MYO10: variants seen among roughly 807,000 people sequenced by gnomAD.
The protein encoded by MYO10 is unconventional myosin-X.
In MYO10, 133 loss-of-function variants were observed where a neutral mutation model predicts 257.3. The ratio of observed to expected loss-of-function variants is 0.52; its 90% CI spans 0.45 to 0.60. The LOEUF is 0.60. MYO10 is among the 20% of genes least tolerant of loss of function. The pLI is 0.00. For synonymous variants in MYO10, 1,104 were observed against 1,028.6 expected, an observed-to-expected ratio of 1.07 and a Z score of -1.40; for missense variants, 2,399 against 2,635.7, an observed-to-expected ratio of 0.91 and a Z score of 1.97.
chr5:16,730,831 C>T (rs1432900282), intron 19 of MYO10, among the ~76,000 whole-genome samples: 2 of 150,944 alleles, frequency 1.3e-5, no homozygotes, highest in African/African-American at 2.5e-5. Context: ...GGCAGAAAGA[C>T]AGGGATGCAG....
intron 2 of MYO10, among the ~76,000 whole-genome samples, chr5:16,856,801 A>G (rs1000043156): frequency 7.9e-5 from 12 of 152,162 alleles, no homozygotes; most frequent in Middle Eastern, 3.4e-3. Flanking sequence ...GTGGTTCTTA[A>G]AAGTTTCCAC....
intron 19 of MYO10, among the ~76,000 whole-genome samples, chr5:16,737,945 G>A (rs1022255723): frequency 2.0e-5 from 3 of 152,200 alleles, no homozygotes; most frequent in East Asian, 3.8e-4. Flanking sequence ...TGACGCGGAA[G>A]GAAAAGGATG....
chr5:16,677,325 G>A (rs1736773343), intron 33 of MYO10, among the ~76,000 whole-genome samples: 1 of 151,474 alleles, frequency 6.6e-6, no homozygotes. Flanking sequence ...AAGAAGCATG[G>A]CTTTGTATTT....
intron 2 of MYO10, among the ~76,000 whole-genome samples, chr5:16,830,679 G>GCACACACACACACT (rs1554000806): frequency 6.7e-6 from 1 of 148,920 alleles, no homozygotes; most frequent in Non-Finnish European, 1.5e-5. Context: ...TTTTTAATAG[G>GCACACACACACACT]CACACACACA....
At chr5:16,786,396 T>C (rs961810563) in intron 4 of MYO10, among the ~76,000 whole-genome samples, 1 of 152,126 alleles carries the variant, frequency 6.6e-6, no homozygotes, top group Non-Finnish European at 1.5e-5. Context: ...TCTCTGTCAA[T>C]CTCTTATACA....
In MYO10 at chr5:16,672,684, C is replaced by G. The variant is rs947407257; in HGVS notation, c.5309+5G>C. 47 of 1,613,954 alleles carry G rather than the reference C, an allele frequency of 2.9e-5. 1 individual carries two copies. Among genetic ancestry groups the G allele is most frequent in the Non-Finnish European group, 3.9e-5 (46 of 1,179,844 alleles). The stretch of plus-strand genomic sequence containing the variant: ...CTTCTGACACAGTAGGGAAAAGGAA[C>G]CTACTTTTCAAACTTGGCTAAGACA... On this transcript the variant is annotated splice_donor_5th_base_variant and intron_variant, in intron 37 of 40. Coordinates refer to ENST00000513610, the MANE Select transcript of MYO10 (RefSeq NM_012334.3).
intron 2 of MYO10, among the ~76,000 whole-genome samples, chr5:16,837,813 G>A (rs1743359173): frequency 6.6e-6 from 1 of 152,090 alleles, no homozygotes; most frequent in Non-Finnish European, 1.5e-5. Context: ...CAAATCGAGG[G>A]TTTGTGGCAA....
At chr5:16,889,533 A>C (rs1469089378) in intron 1 of MYO10, among the ~76,000 whole-genome samples, 3 of 145,226 alleles carry the variant, frequency 2.1e-5, no homozygotes, top group Non-Finnish European at 3.0e-5. Context: ...GAAGGAAGGA[A>C]GGGCGGACGA....
intron 2 of MYO10, among the ~76,000 whole-genome samples, chr5:16,818,756 A>C (rs1330952858): frequency 6.6e-6 from 1 of 152,098 alleles, no homozygotes; most frequent in Non-Finnish European, 1.5e-5. Context: ...ATATATTTCT[A>C]AAAGAAGCAA....
chr5:16,895,419 G>A (rs908451590), intron 1 of MYO10, among the ~76,000 whole-genome samples: 1 of 152,096 alleles, frequency 6.6e-6, no homozygotes, highest in Non-Finnish European at 1.5e-5. Flanking sequence ...TCTGAGGCCC[G>A]AAGCCAAGGA....
intron 30 of MYO10, among the ~76,000 whole-genome samples, 196 bp downstream of exon 30, chr5:16,683,684 A>C (rs921677341): frequency 6.6e-6 from 1 of 152,224 alleles, no homozygotes; most frequent in Non-Finnish European, 1.5e-5. Context: ...AAAGATACCC[A>C]GAGAAGGAGA....
At chr5:16,685,508 A>C (rs1737209147) in intron 29 of MYO10, among the ~76,000 whole-genome samples, 1 of 152,144 alleles carries the variant, frequency 6.6e-6, no homozygotes, top group Non-Finnish European at 1.5e-5. Flanking sequence ...CACAGTGTCC[A>C]ACTTAATTTA....
chr5:16,790,125 T>C (rs1452128315), intron 4 of MYO10, among the ~76,000 whole-genome samples: 2 of 151,900 alleles, frequency 1.3e-5, no homozygotes, highest in African/African-American at 2.4e-5. Flanking sequence ...AATGTATTTC[T>C]AGAAATAGAA....
intron 9 of MYO10, among the ~76,000 whole-genome samples, chr5:16,771,338 ATAAAT>A (rs1741042578): frequency 6.6e-6 from 1 of 152,058 alleles, no homozygotes; most frequent in African/African-American, 2.4e-5. Flanking sequence ...TGTTAGTACT[ATAAAT>A]TAGTATAATC....
At chr5:16,900,077 C>T (rs6896099) in intron 1 of MYO10, among the ~76,000 whole-genome samples, 33,605 of 149,164 alleles carry the variant, frequency 0.23, 4,922 homozygotes, top group African/African-American at 0.41. Flanking sequence ...TGATATCTTT[C>T]ATCAAGAGAA....
rs185513804 is a variant in MYO10 at position 16,731,614 on chromosome 5, G to A, written c.1930-20369C>T. ...TTCGCCCACCTTGGCCTCCCAAAGT[G>A]CTGGGATTACAGGCGTGAGCCACCA... is the stretch of plus-strand genomic sequence containing the variant. On this transcript the variant is annotated intron_variant, in intron 19 of 40. Coordinates refer to ENST00000513610, the MANE Select transcript of MYO10 (RefSeq NM_012334.3). Among the ~76,000 whole-genome samples, 267 of 152,348 alleles carry A rather than the reference G, an allele frequency of 1.8e-3. 1 individual carries two copies. Among genetic ancestry groups the A allele is most frequent in the African/African-American group, 5.8e-3 (241 of 41,586 alleles).
chr5:16,822,431 T>A (rs1280622725), intron 2 of MYO10, among the ~76,000 whole-genome samples: 1 of 152,044 alleles, frequency 6.6e-6, no homozygotes, highest in African/African-American at 2.4e-5. Context: ...AAAACAAATA[T>A]ACAAGTGAAT....
intron 27 of MYO10, among the ~76,000 whole-genome samples, chr5:16,693,467 A>T (rs995985158): frequency 2.6e-5 from 4 of 152,240 alleles, no homozygotes; most frequent in Non-Finnish European, 5.9e-5. Flanking sequence ...CTGCAGAGAC[A>T]TGAGTTTTCC....
At chr5:16,681,801 T>G in intron 31 of MYO10, 70 bp downstream of exon 31, 1 of 1,511,768 alleles carries the variant, frequency 6.6e-7, no homozygotes, top group Non-Finnish European at 8.9e-7. Flanking sequence ...ATGAAAATGC[T>G]GCAGATGTCT....
Sources: allele counts gnomAD v4.1 joint callset (sites outside exome capture counted in the v4.1 genomes callset), GRCh38; gene constraint gnomAD v4.1.1; transcripts MANE v1.5; gene names NCBI Gene and HGNC (gene_info 2026-07-23, HGNC 2026-07-21).